The following ZC3H4 variants were observed in gnomAD, a reference collection of about 807,000 sequenced individuals.
ZC3H4 encodes the protein zinc finger CCCH-type containing 4.
In ZC3H4, 13 loss-of-function variants were observed where a neutral mutation model predicts 108.3. The ratio of observed to expected loss-of-function variants is 0.12; its 90% CI spans 0.08 to 0.19. ZC3H4 has a LOEUF of 0.19. ZC3H4 is among the 10% of genes least tolerant of loss of function. ZC3H4 has a pLI of 1.00. For synonymous variants in ZC3H4, 917 were observed against 749.6 expected (o/e 1.22, Z -3.65); for missense variants, 1,734 against 1,838.8 (o/e 0.94, Z 1.04).
chr19:47,098,463 C>A (rs1392169953), intron 2 of ZC3H4, among the ~76,000 whole-genome samples: 3 of 127,352 alleles, frequency 2.4e-5, no homozygotes, highest in Non-Finnish European at 4.7e-5. Context: ...CTCCAGCTTG[C>A]GAGACAGAGT....
chr19:47,097,755 T>A (rs2057845334), intron 2 of ZC3H4, among the ~76,000 whole-genome samples: 1 of 151,736 alleles, frequency 6.6e-6, no homozygotes, highest in Non-Finnish European at 1.5e-5. Context: ...CCAAGAAAAG[T>A]GGGGGAAGCC....
chr19:47,066,276 GCCC>G lies in ZC3H4; in HGVS notation c.*77_*79del, dbSNP rs2057192297. ...AGGAACACCCAGCCTGCCTCCCCTT[GCCC>G]CCAAGTTCCCTACCCTGGGTGCTGC... is the stretch of plus-strand genomic sequence containing the variant. On this transcript the variant is annotated 3_prime_UTR_variant, in exon 15 of 15. Coordinates refer to ENST00000253048, the MANE Select transcript of ZC3H4 (RefSeq NM_015168.2). The G allele has an allele frequency of 4.2e-6, 5 of 1,188,878 alleles. No individual in the cohort carries two copies. Among genetic ancestry groups the G allele is most frequent in the Non-Finnish European group, 5.6e-6 (5 of 896,062 alleles). 73.6% of individuals were successfully genotyped at this position (1,188,878 alleles called of 1,614,324 possible).
chr19:47,093,554 G>C (rs781355027), intron 4 of ZC3H4, among the ~76,000 whole-genome samples: 1 of 152,278 alleles, frequency 6.6e-6, no homozygotes, highest in East Asian at 1.9e-4. Context: ...TCAAATCCCA[G>C]CTCCTTTACT....
chr19:47,064,721 T>TA lies in ZC3H4; in HGVS notation c.*1634dup, dbSNP rs574506165. The TA allele has an allele frequency of 0.6, 67,509 of 112,820 alleles. 20,881 individuals carry two copies. Among genetic ancestry groups the TA allele is most frequent in the Non-Finnish European group, 0.72 (40,598 of 56,768 alleles). 7.0% of individuals were successfully genotyped at this position (112,820 alleles called of 1,614,324 possible). A position where few individuals can be genotyped will look rare whatever the true frequency, so the allele number is the denominator to read the frequency against. ...AAGACAAATCTCATTAATGATTGTG[T>TA]AAAAAAAAAAAAAAAAAAAAAGACA... On this transcript the variant is annotated 3_prime_UTR_variant, in exon 15 of 15. Transcript: ENST00000253048.
In ZC3H4 at chr19:47,092,961, A is replaced by G. The variant is rs550872892; in HGVS notation, c.492+1009T>C. On this transcript the variant is annotated intron_variant, in intron 4 of 14. Transcript: ENST00000253048. ...GCCGGGCGCGGTGGCTCACACCTGT[A>G]ATCCCAGCACTTTGAGAGGCCGAGG... Among the ~76,000 whole-genome samples the G allele has an allele frequency of 2.0e-5, 3 of 152,274 alleles. No individual in the cohort carries two copies. The East Asian group carries it at 5.8e-4, about 29-fold the overall frequency.
At chr19:47,098,212 T>G (rs562044846) in intron 2 of ZC3H4, among the ~76,000 whole-genome samples, 4 of 152,270 alleles carry the variant, frequency 2.6e-5, no homozygotes, top group African/African-American at 9.6e-5. Flanking sequence ...GTAAAGACAT[T>G]TCATGTTCAG....
intron 2 of ZC3H4, among the ~76,000 whole-genome samples, chr19:47,103,709 G>A (rs1054435126): frequency 7.5e-5 from 11 of 146,554 alleles, no homozygotes; most frequent in South Asian, 2.2e-4. Flanking sequence ...GGCGGATCAC[G>A]AGGTCAGGAG....
At position 47,066,721 on chromosome 19, in the gene ZC3H4, A is replaced by G. The variant is rs1291575530; in HGVS notation, c.3547T>C (p.Ser1183Pro). ...ACGAACGGGGGCTCCTTAGCCTTGGAGGCCGAGCTCTTGCCATTGCCCTCA... is the reference window on the plus strand; with the variant it reads ...ACGAACGGGGGCTCCTTAGCCTTGGGGGCCGAGCTCTTGCCATTGCCCTCA... ...GAEGNGKSSASKAKEPPFVRK... is the reference protein window; with the variant it reads ...GAEGNGKSSAPKAKEPPFVRK... Residue 1183 changes from serine (S) to proline (P), a missense_variant, in exon 15 of 15, where the codon TCC becomes CCC. By Grantham distance (74) the Ser-to-Pro change is moderately conservative. Around this residue, in one of 9 missense-constraint regions of ZC3H4, gnomAD observed 518 missense variants for 499.6 expected, o/e 1.04. Coordinates refer to ENST00000253048, the MANE Select transcript of ZC3H4 (RefSeq NM_015168.2). 4 of 1,607,290 alleles carry G rather than the reference A, an allele frequency of 2.5e-6. No individual in the cohort carries two copies. In the African/African-American group the frequency reaches 5.3e-5, roughly 21 times the overall value.
At chr19:47,112,304 C>T (rs1350990590) in intron 2 of ZC3H4, 120 bp downstream of exon 2, 4 of 658,102 alleles carry the variant, frequency 6.1e-6, no homozygotes, top group South Asian at 7.1e-5. Context: ...CCCCGCCCTT[C>T]CTCCTCCTCC....
chr19:47,095,217 CA>C (rs2057802521), intron 2 of ZC3H4, among the ~76,000 whole-genome samples: 3 of 152,202 alleles, frequency 2.0e-5, no homozygotes, highest in African/African-American at 7.2e-5. Flanking sequence ...GGTTCTGAAC[CA>C]GGGGTGGCCC....
At chr19:47,085,262 A>T (rs1600055310) in intron 7 of ZC3H4, 56 bp downstream of exon 7, 1 of 1,423,988 alleles carries the variant, frequency 7.0e-7, no homozygotes, top group East Asian at 2.8e-5. Flanking sequence ...ACTAGATTCC[A>T]GCAGCTGCTG....
rs1477939433 is a variant in ZC3H4, at chr19:47,084,388, C to G, written c.1175G>C (p.Gly392Ala). The G allele has an allele frequency of 1.9e-5, 30 of 1,614,092 alleles. No homozygotes were observed. The highest frequency in any genetic ancestry group is 2.4e-5 in the Non-Finnish European group (28 of 1,180,046). ...CACGAAGTACTTGCAAATGACTTTG[C>G]CTTTCTTGTCCGACTGCTGGTGGGG... Reference protein sequence around the residue: ...DKPHQQSDKKGKVICKYFVEG... With the variant: ...DKPHQQSDKKAKVICKYFVEG... Residue 392 changes from glycine to alanine, a missense_variant, in exon 9 of 15, where the codon GGC (glycine) becomes GCC (alanine). This residue lies in a region of ZC3H4 where 403 missense variants were observed against 457.0 expected (regional missense o/e 0.88). Coordinates refer to ENST00000253048, the MANE Select transcript of ZC3H4 (RefSeq NM_015168.2).
chr19:47,077,107 C>T (rs1438035655), intron 11 of ZC3H4, among the ~76,000 whole-genome samples: 2 of 152,064 alleles, frequency 1.3e-5, no homozygotes, highest in South Asian at 2.1e-4. Flanking sequence ...TTGCAGTGAG[C>T]CAACACTGCA....
At chr19:47,095,517 G>T (rs2057806703) in intron 2 of ZC3H4, among the ~76,000 whole-genome samples, 1 of 151,996 alleles carries the variant, frequency 6.6e-6, no homozygotes, top group Non-Finnish European at 1.5e-5. Flanking sequence ...AACCCCTTCT[G>T]GCTCCCCATC....
chr19:47,075,178 G>A (rs531963665), intron 11 of ZC3H4, among the ~76,000 whole-genome samples: 11 of 152,256 alleles, frequency 7.2e-5, no homozygotes, highest in East Asian at 3.9e-4. Context: ...GGAAAACGAC[G>A]CGGTGGAACC....
chr19:47,109,737 T>C (rs2058013603), intron 2 of ZC3H4, among the ~76,000 whole-genome samples: 1 of 152,214 alleles, frequency 6.6e-6, no homozygotes, highest in Non-Finnish European at 1.5e-5. Flanking sequence ...CGTGACCTTT[T>C]TTCCTTGTAA....
chr19:47,081,442 C>T (rs3745619), intron 11 of ZC3H4, 71 bp downstream of exon 11: 816,158 of 1,242,032 alleles, frequency 0.66, 275,627 homozygotes, highest in Non-Finnish European at 0.71. Flanking sequence ...AGGCAGGCCA[C>T]AGCACTGAGG....
chr19:47,112,564 G>C lies in ZC3H4; in HGVS notation c.21C>G (p.Thr7=), dbSNP rs867554931. 8.8e-5 allele frequency: 93 copies of C among 1,059,654 alleles called. 1 individual carries two copies. The African/African-American group carries it at 1.4e-3, about 16-fold the overall frequency. The allele number at this position is 1,059,654 out of a possible 1,614,324, so 65.6% of individuals were successfully genotyped here. ...GCGACTCTGATGGCGGCGGCGGGGG[G>C]GTCCCGGGCGCGGCCTCCATAGTTC... MEAAPG[T]PPPPPSESPP... Residue 7 remains threonine, a synonymous_variant, in exon 2 of 15, where the codon ACC becomes ACG. Transcript: ENST00000253048.
chr19:47,085,307 C>A lies in ZC3H4; in HGVS notation c.967+11G>T. On this transcript the variant is annotated intron_variant, in intron 7 of 14. Coordinates refer to ENST00000253048, the MANE Select transcript of ZC3H4 (RefSeq NM_015168.2). ...CCCCACCCAGCGTGTCCTCTCCAGGCCCCTGCCCACCTCGGCCTCGGCTGT... is the reference window on the plus strand; with the variant it reads ...CCCCACCCAGCGTGTCCTCTCCAGGACCCTGCCCACCTCGGCCTCGGCTGT... The A allele has an allele frequency of 1.3e-6, 2 of 1,591,082 alleles. No individual in the cohort carries two copies. The highest frequency in any genetic ancestry group is 1.1e-5 in the South Asian group (1 of 88,134).
Sources: allele counts gnomAD v4.1 joint callset (sites outside exome capture counted in the v4.1 genomes callset), GRCh38; gene constraint gnomAD v4.1.1; regional missense constraint gnomAD v4.1.1; transcripts MANE v1.5; gene names NCBI Gene and HGNC (gene_info 2026-07-23, HGNC 2026-07-21).